The following MDN1 variants were observed in gnomAD, a reference collection of about 807,000 sequenced individuals.
MDN1 encodes midasin AAA ATPase 1.
Under a neutral mutation model 669.2 loss-of-function variants are expected in MDN1, and 266 were observed. The ratio of observed to expected loss-of-function variants is 0.40; its 90% CI spans 0.36 to 0.44. The LOEUF is 0.44. Ranked by LOEUF, MDN1 falls within the 20% of genes least tolerant of loss-of-function variation. MDN1 has a pLI of 1.00. For missense variants in MDN1, 5,940 were observed against 6,754.0 expected, an observed-to-expected ratio of 0.88 and a Z score of 4.22; for synonymous variants, 2,385 against 2,457.1, an observed-to-expected ratio of 0.97 and a Z score of 0.87.
chr6:89,718,679 T>C lies in MDN1; in HGVS notation c.6322-52A>G, dbSNP rs775821707. ...ATCATAGGGTCAGAGAATACTGTTA[T>C]CTGTACTCATCACCAACTCAGAAGA... On this transcript the variant is annotated intron_variant, in intron 42 of 101. Coordinates refer to ENST00000369393, the MANE Select transcript of MDN1 (RefSeq NM_014611.3). 13 of 1,607,460 alleles carry C rather than the reference T, an allele frequency of 8.1e-6. No individual in the cohort carries two copies. The Admixed American group carries it at 1.8e-4, about 23-fold the overall frequency.
intron 101 of MDN1, among the ~76,000 whole-genome samples, chr6:89,644,589 T>C (rs1449352074): frequency 6.6e-6 from 1 of 152,150 alleles, no homozygotes; most frequent in Non-Finnish European, 1.5e-5. Flanking sequence ...ACTAAGATGA[T>C]TGATGCTTCT....
At chr6:89,768,168 A>T (rs987041754) in intron 15 of MDN1, among the ~76,000 whole-genome samples, 1 of 152,024 alleles carries the variant, frequency 6.6e-6, no homozygotes, top group African/African-American at 2.4e-5. Flanking sequence ...TCAGGAGCTC[A>T]AGATTCATCC....
At chr6:89,786,820 C>A (rs1818986040) in intron 8 of MDN1, among the ~76,000 whole-genome samples, 1 of 146,510 alleles carries the variant, frequency 6.8e-6, no homozygotes. Flanking sequence ...AGCTACCTGG[C>A]AGGCTGAGGT....
intron 63 of MDN1, 107 bp from the exon 64 acceptor site, chr6:89,690,941 A>G: frequency 7.6e-7 from 1 of 1,308,634 alleles, no homozygotes; most frequent in Non-Finnish European, 1.0e-6. Flanking sequence ...CATGACTCAA[A>G]AACAAATAAA....
Position 89,730,921 on chromosome 6 carries a change from C to T in MDN1, c.4945G>A (p.Val1649Ile). 2 of 1,613,534 alleles carry T rather than the reference C, an allele frequency of 1.2e-6. No homozygotes were observed. Among genetic ancestry groups the T allele is most frequent in the Non-Finnish European group, 8.5e-7 (1 of 1,179,714 alleles). ...LVYIDGIGSG[V>I]TSSGFGTALL... ...GCTGTACCAAACCCAGAGGAAGTTA[C>T]CCCTAAAAGACAGAGGATCAGTCCA... Residue 1649 changes from valine (V) to isoleucine (I), a missense_variant and splice_region_variant, in exon 35 of 102, where the codon GTA (valine) becomes ATA (isoleucine). By Grantham distance (29) the Val-to-Ile change is conservative. Around this residue, in one of 5 missense-constraint regions of MDN1, gnomAD observed 2,292 missense variants for 2,638.3 expected, o/e 0.87. Coordinates refer to ENST00000369393, the MANE Select transcript of MDN1 (RefSeq NM_014611.3).
chr6:89,797,538 G>A (rs9294449), intron 2 of MDN1: 233,716 of 292,736 alleles, frequency 0.8, 94,181 homozygotes, highest in East Asian at 0.96. Flanking sequence ...CGTTCCTGGT[G>A]GAGGCAGGGG....
At chr6:89,727,426 C>T (rs1404291239) in intron 37 of MDN1, among the ~76,000 whole-genome samples, 11 of 152,168 alleles carry the variant, frequency 7.2e-5, no homozygotes, top group African/African-American at 2.4e-4. Context: ...GCACACATAA[C>T]GGATCGTTTC....
At chr6:89,775,643 G>A (rs1379189758) in intron 12 of MDN1, among the ~76,000 whole-genome samples, 5 of 152,110 alleles carry the variant, frequency 3.3e-5, no homozygotes, top group Non-Finnish European at 7.4e-5. Flanking sequence ...TGAGTATACA[G>A]GTATTCACTG....
rs141476254 is a variant in MDN1, at chr6:89,727,822, AG to A, written c.5472+10del. On this transcript the variant is annotated intron_variant, in intron 37 of 101. Coordinates refer to ENST00000369393, the MANE Select transcript of MDN1 (RefSeq NM_014611.3). The stretch of plus-strand genomic sequence containing the variant: ...GATCACCGTCTTGGGCATGACAAAC[AG>A]GCCCCTCACCTCATCCAACACCACC... The A allele has an allele frequency of 0.17, 280,683 of 1,613,182 alleles. 26,178 individuals carry two copies. Among genetic ancestry groups the A allele is most frequent in the Non-Finnish European group, 0.19 (224,753 of 1,179,458 alleles).
intron 70 of MDN1, 56 bp downstream of exon 70, chr6:89,685,771 A>G (rs886813220): frequency 5.1e-6 from 8 of 1,581,358 alleles, no homozygotes; most frequent in Middle Eastern, 1.7e-4. Context: ...AGAGAATTCA[A>G]AGCCTAACTC....
In MDN1 at chr6:89,732,751, A is replaced by G. The variant is rs772360208; in HGVS notation, c.4748T>C (p.Leu1583Pro). ...GTGGGTCAGCCAGTCAATGAAATCC[A>G]GCATCACTTCAGGTATGTCAGACCC... ...PKGSDIPEVM[L>P]DFIDWLTHQE... Residue 1583 changes from leucine (L) to proline (P), a missense_variant, in exon 34 of 102, where the codon CTG becomes CCG. Coordinates refer to ENST00000369393, the MANE Select transcript of MDN1 (RefSeq NM_014611.3). 1 of 1,614,172 alleles carries G rather than the reference A, an allele frequency of 6.2e-7. No individual in the cohort carries two copies. The highest frequency in any genetic ancestry group is 1.1e-5 in the South Asian group (1 of 91,078).
At chr6:89,731,594 T>C (rs200096468) in intron 34 of MDN1, among the ~76,000 whole-genome samples, 1 of 151,140 alleles carries the variant, frequency 6.6e-6, no homozygotes, top group Non-Finnish European at 1.5e-5. Context: ...GAACATCACA[T>C]ACTGGGGCCT....
At position 89,713,152 on chromosome 6, in the gene MDN1, C is replaced by T. The variant is rs151293056; in HGVS notation, c.7214G>A (p.Arg2405Gln). ...YVCSQHSPAN[R>Q]KLVQALLEKH... is the part of the protein sequence containing the mutation. ...TTCTGCAATACTTCATAGTACCTTC[C>T]GGTTTGCTGGTGAATGCTGGGAACA... is the stretch of plus-strand genomic sequence containing the variant. Residue 2405 changes from arginine to glutamine, a missense_variant, in exon 47 of 102, where the codon CGG becomes CAG. By Grantham distance (43) the Arg-to-Gln change is conservative (BLOSUM62 1). This residue lies in a region of MDN1 where 2,292 missense variants were observed against 2,638.3 expected (regional missense o/e 0.87). Coordinates refer to ENST00000369393, the MANE Select transcript of MDN1 (RefSeq NM_014611.3). 434 of 1,612,132 alleles carry T rather than the reference C, an allele frequency of 2.7e-4. 2 individuals carry two copies. The African/African-American group carries it at 4.9e-3, about 18-fold the overall frequency.
intron 97 of MDN1, 85 bp downstream of exon 97, chr6:89,649,939 T>C (rs1808734173): frequency 1.5e-6 from 2 of 1,371,066 alleles, no homozygotes; most frequent in South Asian, 1.2e-5. Context: ...ATTAGCCATA[T>C]CATATTTAAA....
At chr6:89,794,030 C>T in intron 4 of MDN1, 70 bp downstream of exon 4, 1 of 1,427,986 alleles carries the variant, frequency 7.0e-7, no homozygotes, top group Non-Finnish European at 9.6e-7. Context: ...CACCTCTGGC[C>T]TGTCACCCCC....
chr6:89,700,920 A>T (rs938487132), intron 55 of MDN1, 64 bp from the exon 56 acceptor site: 1 of 1,308,354 alleles, frequency 7.6e-7, no homozygotes, highest in Non-Finnish European at 1.1e-6. Flanking sequence ...TTAGTAGCCT[A>T]TACAGGTCTC....
Position 89,803,460 on chromosome 6 carries a change from C to T in MDN1, c.197G>A (p.Arg66His), listed in dbSNP as rs757957054. The change falls in exon 2 of 102, where the codon CGC (arginine) becomes CAC (histidine). Residue 66 changes from arginine (R) to histidine (H), a missense_variant. Arg to His is a conservative substitution (Grantham distance 29, BLOSUM62 0). Transcript: ENST00000369393. Reference protein sequence around the residue: ...DCTVLVGRQLRPLLLDLLERN... With the variant: ...DCTVLVGRQLHPLLLDLLERN... ...TTCCAGCAAATCCAAAAGGAGAGGG[C>T]GAAGCTGGCGACCAACCAGCACAGT... The T allele has an allele frequency of 4.0e-5, 65 of 1,613,938 alleles. No homozygotes were observed. The highest frequency in any genetic ancestry group is 1.3e-4 in the Admixed American group (8 of 59,984).
rs754234844 is a variant in MDN1, at chr6:89,696,370, C to T, written c.9373G>A (p.Ala3125Thr). ...AGGGCGAGGGAATACCTGAATTCTGCTACTGAAGAGATAGCCATGTTAGTC... is the reference window on the plus strand; with the variant it reads ...AGGGCGAGGGAATACCTGAATTCTGTTACTGAAGAGATAGCCATGTTAGTC... Reference protein sequence around the residue: ...LWTNMAISSVAEFRRTDSQLQ... With the variant: ...LWTNMAISSVTEFRRTDSQLQ... Residue 3125 changes from alanine to threonine, a missense_variant, in exon 60 of 102, where the codon GCA becomes ACA. Around this residue, in one of 5 missense-constraint regions of MDN1, gnomAD observed 2,292 missense variants for 2,638.3 expected, o/e 0.87. Transcript: ENST00000369393. 3.7e-6 allele frequency: 6 copies of T among 1,613,982 alleles called. No individual in the cohort carries two copies. Among genetic ancestry groups the T allele is most frequent in the Non-Finnish European group, 5.1e-6 (6 of 1,180,004 alleles).
chr6:89,795,572 G>C (rs1390105050), intron 2 of MDN1, among the ~76,000 whole-genome samples: 1 of 152,152 alleles, frequency 6.6e-6, no homozygotes, highest in Non-Finnish European at 1.5e-5. Context: ...CTGGATGACA[G>C]AGCAAGACCT....
Sources: gnomAD v4.1 joint callset for allele counts (sites outside exome capture counted in the v4.1 genomes callset) on GRCh38, gnomAD v4.1.1 for gene constraint, gnomAD v4.1.1 regional missense constraint, MANE v1.5 for transcripts, NCBI Gene and HGNC (gene_info 2026-07-23, HGNC 2026-07-21) for gene names.